DNAH12: variants seen among roughly 807,000 people sequenced by gnomAD.
The protein encoded by DNAH12 is axonemal beta dynein heavy chain 12.
DNAH12 carries 285 observed loss-of-function variants against 371.5 expected under a neutral mutation model. The observed-to-expected ratio is 0.77, with a 90% CI of 0.70 to 0.85. The LOEUF is 0.85. DNAH12 is among the 40% of genes least tolerant of loss of function. DNAH12 has a pLI of 0.00. For missense variants in DNAH12, 3,611 were observed against 3,689.4 expected (o/e 0.98, Z 0.55); for synonymous variants, 1,200 against 1,213.0 (o/e 0.99, Z 0.22).
At chr3:57,313,339 C>T (rs75577687) in intron 66 of DNAH12, among the ~76,000 whole-genome samples, 1,616 of 152,028 alleles carry the variant, frequency 0.011, 25 homozygotes, top group African/African-American at 0.036. Flanking sequence ...CTACAAAATA[C>T]GTTTAAAAAA....
chr3:57,523,429 CAT>C (rs1371501475), intron 4 of DNAH12, among the ~76,000 whole-genome samples, 152 bp downstream of exon 4: 2 of 152,112 alleles, frequency 1.3e-5, no homozygotes, highest in African/African-American at 4.8e-5. Context: ...TTGTTCATGA[CAT>C]GTTTGCTCCC....
intron 4 of DNAH12, among the ~76,000 whole-genome samples, chr3:57,518,631 G>T (rs1320512112): frequency 2.0e-5 from 3 of 152,174 alleles, no homozygotes; most frequent in Non-Finnish European, 4.4e-5. Context: ...ACAAGAAAAT[G>T]ACTGTTTTGA....
chr3:57,462,891 T>A lies in DNAH12; in HGVS notation c.2350-16A>T, dbSNP rs1029705504. 2 of 1,534,962 alleles carry A rather than the reference T, an allele frequency of 1.3e-6. No homozygotes were observed. The highest frequency in any genetic ancestry group is 2.8e-5 in the African/African-American group (2 of 72,596). ...GAATATATTCCTAATGGCAAAAATATAAACAATTATGAGTCACTCATTTGA... is the reference window on the plus strand; with the variant it reads ...GAATATATTCCTAATGGCAAAAATAAAAACAATTATGAGTCACTCATTTGA... On this transcript the variant is annotated splice_polypyrimidine_tract_variant and intron_variant, in intron 17 of 73. Coordinates refer to ENST00000495027, the MANE Select transcript of DNAH12 (RefSeq NM_001366028.2).
At position 57,405,803 on chromosome 3, in the gene DNAH12, A is replaced by C; in HGVS notation, c.6426T>G (p.Phe2142Leu). The change falls in exon 41 of 74, where the codon TTT becomes TTG. Residue 2142 changes from phenylalanine (F) to leucine (L), a missense_variant. Around this residue, in one of 3 missense-constraint regions of DNAH12, gnomAD observed 2,266 missense variants for 2,236.9 expected, o/e 1.01. Transcript: ENST00000495027. The part of the protein sequence containing the change: ...VANKHTMIRL[F>L]VHEVLRVFYD... ...AAAACACTCGGAGAACCTCATGCACAAACAGACGGATCATAGTGTGTTTGT... is the reference window on the plus strand; with the variant it reads ...AAAACACTCGGAGAACCTCATGCACCAACAGACGGATCATAGTGTGTTTGT... The C allele has an allele frequency of 6.4e-7, 1 of 1,551,718 alleles. No individual in the cohort carries two copies. Among genetic ancestry groups the C allele is most frequent in the Non-Finnish European group, 8.7e-7 (1 of 1,146,986 alleles).
chr3:57,489,124 G>A (rs1268679350), intron 12 of DNAH12, among the ~76,000 whole-genome samples: 2 of 152,074 alleles, frequency 1.3e-5, no homozygotes, highest in Non-Finnish European at 2.9e-5. Context: ...TGAAAAGTAG[G>A]TATTACTGTC....
intron 65 of DNAH12, among the ~76,000 whole-genome samples, chr3:57,315,623 C>A (rs576070349): frequency 1.2e-4 from 18 of 151,790 alleles, no homozygotes; most frequent in East Asian, 5.8e-4. Flanking sequence ...CAAAAGTAGA[C>A]CTTGAGAGAA....
chr3:57,468,726 A>G lies in DNAH12; in HGVS notation c.2349+10T>C. The G allele has an allele frequency of 7.4e-7, 1 of 1,352,806 alleles. No individual in the cohort carries two copies. The allele number at this position is 1,352,806 out of a possible 1,614,324, so 83.8% of individuals were successfully genotyped here. On this transcript the variant is annotated intron_variant, in intron 17 of 73. Transcript: ENST00000495027. ...CTATAATATTAAAATGTTATTATAT[A>G]TATTTATACCTTAAAAGCTTTTATC...
At chr3:57,409,091 C>T (rs2064127248) in intron 39 of DNAH12, among the ~76,000 whole-genome samples, 1 of 152,048 alleles carries the variant, frequency 6.6e-6, no homozygotes, top group African/African-American at 2.4e-5. Context: ...TAAATAGGAT[C>T]TATACATTTT....
intron 60 of DNAH12, among the ~76,000 whole-genome samples, chr3:57,350,135 G>A (rs1267937702): frequency 6.6e-6 from 1 of 152,210 alleles, no homozygotes; most frequent in Non-Finnish European, 1.5e-5. Flanking sequence ...GGACTTGGGA[G>A]AAAGTGTGGG....
chr3:57,308,173 A>G (rs1575428951), intron 69 of DNAH12, among the ~76,000 whole-genome samples: 2 of 152,268 alleles, frequency 1.3e-5, no homozygotes, highest in East Asian at 1.9e-4. Context: ...TTCACTGGAT[A>G]GGTAGAGGCC....
At position 57,400,903 on chromosome 3, in the gene DNAH12, TA is replaced by T. The variant is rs1367256586; in HGVS notation, c.6948+2405del. Among the ~76,000 whole-genome samples the T allele has an allele frequency of 3.9e-5, 6 of 152,214 alleles. No individual in the cohort carries two copies. The East Asian group carries it at 5.8e-4, about 15-fold the overall frequency. ...TACCAAACACTCCATCCAGCAACAGTAAAACATATATTATTCTCAAGTGCAC... is the reference window on the plus strand; with the variant it reads ...TACCAAACACTCCATCCAGCAACAGTAAACATATATTATTCTCAAGTGCAC... On this transcript the variant is annotated intron_variant, in intron 43 of 73. Coordinates refer to ENST00000495027, the MANE Select transcript of DNAH12 (RefSeq NM_001366028.2).
chr3:57,438,396 A>G (rs533976756), intron 29 of DNAH12, among the ~76,000 whole-genome samples: 3 of 152,192 alleles, frequency 2.0e-5, no homozygotes, highest in Non-Finnish European at 4.4e-5. Flanking sequence ...ACATTGTTTA[A>G]CATACAATCA....
chr3:57,447,391 C>T (rs1257680075), intron 25 of DNAH12, among the ~76,000 whole-genome samples: 9 of 152,100 alleles, frequency 5.9e-5, no homozygotes, highest in Non-Finnish European at 1.3e-4. Context: ...TTACAGTCAG[C>T]TCTAACTATG....
At chr3:57,499,673 T>TATATATACACACAC (rs771112538) in intron 11 of DNAH12, among the ~76,000 whole-genome samples, 42 of 44,430 alleles carry the variant, frequency 9.5e-4, no homozygotes, top group Middle Eastern at 0.012. Context: ...TATATATATA[T>TATATATACACACAC]ATACTTCTTA....
intron 39 of DNAH12, among the ~76,000 whole-genome samples, chr3:57,410,558 C>T (rs190093974): frequency 6.6e-6 from 1 of 152,026 alleles, no homozygotes; most frequent in African/African-American, 2.4e-5. Context: ...GTGGCTCATA[C>T]CTGTAATCCC....
At chr3:57,482,034 C>G (rs904679408) in intron 13 of DNAH12, among the ~76,000 whole-genome samples, 3 of 152,170 alleles carry the variant, frequency 2.0e-5, no homozygotes, top group Admixed American at 6.5e-5. Context: ...GCCTAAAACA[C>G]CAAAAGCAAT....
At chr3:57,435,168 T>C (rs888989740) in intron 30 of DNAH12, among the ~76,000 whole-genome samples, 1 of 151,948 alleles carries the variant, frequency 6.6e-6, no homozygotes, top group African/African-American at 2.4e-5. Context: ...GGTCAGGAGT[T>C]CAAGACCAGC....
intron 43 of DNAH12, among the ~76,000 whole-genome samples, chr3:57,396,099 A>G: frequency 6.6e-6 from 1 of 151,888 alleles, no homozygotes; most frequent in Non-Finnish European, 1.5e-5. Context: ...ACCAACATGG[A>G]GAAACCCTAT....
At chr3:57,400,242 C>T (rs1027689338) in intron 43 of DNAH12, among the ~76,000 whole-genome samples, 5 of 152,010 alleles carry the variant, frequency 3.3e-5, no homozygotes, top group South Asian at 2.1e-4. Context: ...GAGCTGATAT[C>T]GTGCCACTGC....
Sources: gnomAD v4.1 joint callset for allele counts (sites outside exome capture counted in the v4.1 genomes callset) on GRCh38, gnomAD v4.1.1 for gene constraint, gnomAD v4.1.1 regional missense constraint, MANE v1.5 for transcripts, NCBI Gene and HGNC (gene_info 2026-07-23, HGNC 2026-07-21) for gene names.